SMU1: variants seen among roughly 807,000 people sequenced by gnomAD.
SMU1 encodes SMU1 DNA replication regulator and spliceosomal factor.
A neutral mutation model predicts 62.0 loss-of-function variants in SMU1; 2 were observed. The observed-to-expected ratio is 0.03, with a 90% CI of 0.01 to 0.10. The LOEUF is 0.10. Among genes scored for constraint, SMU1 ranks in the 10% least tolerant of loss-of-function variants. The pLI, the probability that SMU1 is intolerant of heterozygous loss-of-function variation, is 1.00. For missense variants in SMU1, 227 were observed against 622.1 expected, an observed-to-expected ratio of 0.36 and a Z score of 6.76; for synonymous variants, 188 against 212.4, an observed-to-expected ratio of 0.89 and a Z score of 1.00.
At position 33,072,838 on chromosome 9, in the gene SMU1, AC is replaced by A. The variant is rs201941361; in HGVS notation, c.237+757del. Reference sequence around the variant, plus strand: ...AGTGAGACTCTGTCTCAAAAAAAAAACAAAAAAAAAAACCCGTAAACAAAAA... The same window carrying A: ...AGTGAGACTCTGTCTCAAAAAAAAAAAAAAAAAAAAACCCGTAAACAAAAA... On this transcript the variant is annotated intron_variant, in intron 2 of 11. Transcript: ENST00000397149. 3.7e-3 allele frequency among the ~76,000 whole-genome samples: 552 copies of A among 150,392 alleles called. 19 individuals carry two copies. The highest frequency in any genetic ancestry group is 0.011 in the African/African-American group (469 of 40,980).
chr9:33,048,276 C>G lies in SMU1; in HGVS notation c.1291-18G>C, dbSNP rs754601563. 16 of 1,609,370 alleles carry G rather than the reference C, an allele frequency of 9.9e-6. No individual in the cohort carries two copies. In the South Asian group the frequency reaches 1.7e-4, roughly 17 times the overall value. The stretch of plus-strand genomic sequence containing the variant: ...CTGACAATCTAGATCACACCACACC[C>G]CAAGAAAAAAACATCAGGATTAGTA... On this transcript the variant is annotated intron_variant, in intron 10 of 11. Transcript: ENST00000397149.
intron 8 of SMU1, 128 bp from the exon 9 acceptor site, chr9:33,056,367 G>T: frequency 1.1e-6 from 1 of 931,274 alleles, no homozygotes; most frequent in Non-Finnish European, 1.5e-6. Context: ...AGGGCTATGT[G>T]ATTGTGTATA....
chr9:33,052,873 A>G (rs372628928), intron 10 of SMU1, among the ~76,000 whole-genome samples: 344 of 152,364 alleles, frequency 2.3e-3, no homozygotes, highest in African/African-American at 7.8e-3. Flanking sequence ...TTAAAGACAG[A>G]TAGGAGCTTC....
intron 11 of SMU1, 85 bp downstream of exon 11, chr9:33,048,017 ATAGC>A: frequency 1.6e-6 from 2 of 1,224,178 alleles, no homozygotes; most frequent in African/African-American, 1.5e-5. Flanking sequence ...GGTCACATCG[ATAGC>A]TCTGGAAAAG....
In SMU1 at chr9:33,048,561, T is replaced by G. The variant is rs558423835; in HGVS notation, c.1291-303A>C. 5.9e-5 allele frequency among the ~76,000 whole-genome samples: 9 copies of G among 152,348 alleles called. No individual in the cohort carries two copies. The South Asian group carries it at 1.7e-3, about 28-fold the overall frequency. On this transcript the variant is annotated intron_variant, in intron 10 of 11. Coordinates refer to ENST00000397149, the MANE Select transcript of SMU1 (RefSeq NM_018225.3). ...TTTCATTGCCATACAAAAAACAATTTTCTAAATCAATATACCAGTATTTCT... is the reference window on the plus strand; with the variant it reads ...TTTCATTGCCATACAAAAAACAATTGTCTAAATCAATATACCAGTATTTCT...
chr9:33,050,856 T>G (rs1587706240), intron 10 of SMU1, among the ~76,000 whole-genome samples: 1 of 63,378 alleles, frequency 1.6e-5, no homozygotes, highest in Admixed American at 1.6e-4. Context: ...GCGCGGTGGC[T>G]CACGCCTGTA....
chr9:33,049,342 A>G (rs1018466837), intron 10 of SMU1, among the ~76,000 whole-genome samples: 1 of 152,224 alleles, frequency 6.6e-6, no homozygotes, highest in Non-Finnish European at 1.5e-5. Context: ...TAGAGAAAAG[A>G]TAGTGTTTTC....
At chr9:33,060,873 T>A (rs1264212920) in intron 5 of SMU1, among the ~76,000 whole-genome samples, 1 of 152,190 alleles carries the variant, frequency 6.6e-6, no homozygotes, top group Non-Finnish European at 1.5e-5. Flanking sequence ...TTAGAACAAG[T>A]AATCCTGTTA....
intron 1 of SMU1, among the ~76,000 whole-genome samples, chr9:33,074,237 A>AG (rs1839517121): frequency 6.6e-6 from 1 of 152,258 alleles, no homozygotes; most frequent in African/African-American, 2.4e-5. Context: ...CTGAGGCAGG[A>AG]GGATTGGCTG....
At position 33,043,146 on chromosome 9, in the gene SMU1, AAAC is replaced by A. The variant is rs1839144053; in HGVS notation, c.*4144_*4146del. 1.3e-5 allele frequency: 2 copies of A among 152,214 alleles called. No homozygotes were observed. Among genetic ancestry groups the A allele is most frequent in the African/African-American group, 4.8e-5 (2 of 41,438 alleles). The allele number at this position is 152,214 out of a possible 1,614,324, so 9.4% of individuals were successfully genotyped here. A position where few individuals can be genotyped will look rare whatever the true frequency, so the allele number is the denominator to read the frequency against. ...CCGTGCCCGGCCTATTGTAAGTTTT[AAAC>A]AACCTCAGACCAGGGAACTTCCTCA... is the stretch of plus-strand genomic sequence containing the variant. On this transcript the variant is annotated 3_prime_UTR_variant, in exon 12 of 12. Transcript: ENST00000397149.
intron 9 of SMU1, 139 bp downstream of exon 9, chr9:33,055,974 G>T: frequency 1.3e-6 from 1 of 781,840 alleles, no homozygotes. Flanking sequence ...TGTTGTCTCA[G>T]ACTCACCTCA....
At chr9:33,051,516 CA>C (rs746565089) in intron 10 of SMU1, among the ~76,000 whole-genome samples, 3 of 152,072 alleles carry the variant, frequency 2.0e-5, no homozygotes, top group African/African-American at 2.4e-5. Flanking sequence ...ACAAACGTAC[CA>C]CTCTGGCACG....
rs1270636414 is a variant in SMU1, at chr9:33,076,565, C to G, written c.26+18G>C. The G allele has an allele frequency of 4.3e-6, 7 of 1,613,696 alleles. No individual in the cohort carries two copies. The highest frequency in any genetic ancestry group is 5.9e-6 in the Non-Finnish European group (7 of 1,180,024). ...CAGGCCCCCGGCAAGGCGCGAACAT[C>G]CCCACCGCAGGACTCACTCCGAAGA... On this transcript the variant is annotated intron_variant, in intron 1 of 11. Coordinates refer to ENST00000397149, the MANE Select transcript of SMU1 (RefSeq NM_018225.3).
intron 9 of SMU1, 102 bp from the exon 10 acceptor site, chr9:33,053,392 G>A (rs749812694): frequency 3.3e-6 from 4 of 1,197,096 alleles, no homozygotes; most frequent in Non-Finnish European, 4.6e-6. Context: ...GAATAGAAAT[G>A]ATTCAGGGGA....
Position 33,045,544 on chromosome 9 carries a change from C to T in SMU1, c.*1749G>A, listed in dbSNP as rs1284492816. ...AGGATCATACTGCATTTCAGGTCAC[C>T]ATCAAAGGTAAATTACAAGGCTGGG... On this transcript the variant is annotated 3_prime_UTR_variant, in exon 12 of 12. Transcript: ENST00000397149. 6.6e-6 allele frequency: 1 copy of T among 152,256 alleles called. No individual in the cohort carries two copies. The highest frequency in any genetic ancestry group is 2.4e-5 in the African/African-American group (1 of 41,438). 9.4% of individuals were successfully genotyped at this position (152,256 alleles called of 1,614,324 possible). A position where few individuals can be genotyped will look rare whatever the true frequency, so the allele number is the denominator to read the frequency against.
At chr9:33,061,421 C>G (rs1281387581) in intron 5 of SMU1, among the ~76,000 whole-genome samples, 1 of 151,940 alleles carries the variant, frequency 6.6e-6, no homozygotes, top group Non-Finnish European at 1.5e-5. Flanking sequence ...AACCCAAAGT[C>G]AAAGATTTGA....
intron 1 of SMU1, among the ~76,000 whole-genome samples, chr9:33,074,593 G>C (rs1839522942): frequency 6.6e-6 from 1 of 152,048 alleles, no homozygotes; most frequent in African/African-American, 2.4e-5. Context: ...CTGGGAAAGA[G>C]AGCAAGACCT....
At chr9:33,054,981 G>C (rs1258349267) in intron 9 of SMU1, among the ~76,000 whole-genome samples, 1 of 152,154 alleles carries the variant, frequency 6.6e-6, no homozygotes, top group Non-Finnish European at 1.5e-5. Flanking sequence ...ATCTTCCAGT[G>C]GCATTTACAA....
Position 33,057,618 on chromosome 9 carries a change from C to T in SMU1, c.847G>A (p.Ala283Thr). ...CATACCTTGATTTTTCCATCTTGGGCCCCAGTTGCTAACATTTCTGTATCT... is the reference window on the plus strand; with the variant it reads ...CATACCTTGATTTTTCCATCTTGGGTCCCAGTTGCTAACATTTCTGTATCT... ...SRDTEMLATG[A>T]QDGKIKVWKI... The change falls in exon 7 of 12, where the codon GCC (alanine) becomes ACC (threonine). Residue 283 changes from alanine to threonine, a missense_variant. Coordinates refer to ENST00000397149, the MANE Select transcript of SMU1 (RefSeq NM_018225.3). 6.2e-7 allele frequency: 1 copy of T among 1,613,732 alleles called. No individual in the cohort carries two copies. Among genetic ancestry groups the T allele is most frequent in the East Asian group, 2.2e-5 (1 of 44,876 alleles).
Sources: allele counts gnomAD v4.1 joint callset (sites outside exome capture counted in the v4.1 genomes callset), GRCh38; gene constraint gnomAD v4.1.1; transcripts MANE v1.5; gene names NCBI Gene and HGNC (gene_info 2026-07-23, HGNC 2026-07-21).